Variants in PLEKHG1 observed in about 807,000 individuals in gnomAD.
PLEKHG1 encodes pleckstrin homology domain-containing family G member 1.
In PLEKHG1, 44 loss-of-function variants were observed where a neutral mutation model predicts 100.8. The observed-to-expected ratio is 0.44, with a 90% CI of 0.34 to 0.56. The LOEUF (loss-of-function observed/expected upper bound fraction) is 0.56, where lower values mean the gene tolerates loss of function less well. Ranked by LOEUF, PLEKHG1 falls within the 20% of genes least tolerant of loss-of-function variation. The probability of loss-of-function intolerance (pLI) is 0.01; values close to 1 mark genes in which losing one functional copy is unlikely to be tolerated. For synonymous variants in PLEKHG1, 640 were observed against 662.5 expected, an observed-to-expected ratio of 0.97 and a Z score of 0.52; for missense variants, 1,545 against 1,720.9, an observed-to-expected ratio of 0.90 and a Z score of 1.81.
intron 3 of PLEKHG1, among the ~76,000 whole-genome samples, chr6:150,681,811 A>G (rs996691240): frequency 6.6e-6 from 1 of 152,084 alleles, no homozygotes; most frequent in Non-Finnish European, 1.5e-5. Flanking sequence ...GAGCTTCCTG[A>G]ACCCAAACTT....
chr6:150,624,414 A>G (rs1562390721), intron 1 of PLEKHG1, among the ~76,000 whole-genome samples: 1 of 151,994 alleles, frequency 6.6e-6, no homozygotes, highest in East Asian at 1.9e-4. Context: ...AAGGACTCTT[A>G]CTCTTCATGA....
intron 3 of PLEKHG1, among the ~76,000 whole-genome samples, chr6:150,674,149 C>T (rs891220347): frequency 4.5e-4 from 68 of 152,230 alleles, no homozygotes; most frequent in African/African-American, 1.5e-3. Flanking sequence ...TTAGTCTACT[C>T]TCTGTTATAG....
At chr6:150,687,995 CTT>C (rs900827766) in intron 3 of PLEKHG1, among the ~76,000 whole-genome samples, 5 of 152,262 alleles carry the variant, frequency 3.3e-5, no homozygotes, top group African/African-American at 1.2e-4. Context: ...CCAAGAAACT[CTT>C]TTGAAAATAG....
chr6:150,774,669 T>G (rs937540729), intron 3 of PLEKHG1, among the ~76,000 whole-genome samples: 1 of 150,012 alleles, frequency 6.7e-6, no homozygotes, highest in Non-Finnish European at 1.5e-5. Context: ...GCCTCCCAAG[T>G]AGCTGGGACT....
At chr6:150,621,375 ATTTTTTT>A (rs111639263) in intron 1 of PLEKHG1, among the ~76,000 whole-genome samples, 1 of 141,452 alleles carries the variant, frequency 7.1e-6, no homozygotes, top group Non-Finnish European at 1.5e-5. Flanking sequence ...GCACAAATCA[ATTTTTTT>A]TTTTTTTTTT....
chr6:150,724,841 A>T lies in PLEKHG1; in HGVS notation c.-99+3641A>T, dbSNP rs558257213. On this transcript the variant is annotated intron_variant, in intron 1 of 15. Coordinates refer to ENST00000358517, the Ensembl canonical transcript of PLEKHG1. ...CTTCCAAAGTGCCAGGATTATAGGC[A>T]TGGGCCACCGCGCCTGGCCTAGGGA... Among the ~76,000 whole-genome samples, 226 of 152,282 alleles carry T rather than the reference A, an allele frequency of 1.5e-3. No individual in the cohort carries two copies. The Middle Eastern group carries it at 0.024, about 16-fold the overall frequency.
intron 13 of PLEKHG1, among the ~76,000 whole-genome samples, chr6:150,823,452 G>A (rs1776417846): frequency 6.6e-6 from 1 of 152,184 alleles, no homozygotes; most frequent in Admixed American, 6.5e-5. Flanking sequence ...TCAGATGCAT[G>A]TAAGGTTGTT....
At chr6:150,604,234 C>T (rs4870533) in intron 1 of PLEKHG1, among the ~76,000 whole-genome samples, 11,948 of 152,196 alleles carry the variant, frequency 0.079, 539 homozygotes, top group Non-Finnish European at 0.1. Flanking sequence ...TAAATGAGCT[C>T]TAATATTTGA....
At chr6:150,635,588 A>G (rs1777962321) in intron 1 of PLEKHG1, among the ~76,000 whole-genome samples, 2 of 152,206 alleles carry the variant, frequency 1.3e-5, no homozygotes. Context: ...CATTATTTTC[A>G]TAAGTTCAAT....
At chr6:150,639,149 A>G (rs965052514) in intron 2 of PLEKHG1, among the ~76,000 whole-genome samples, 1 of 152,146 alleles carries the variant, frequency 6.6e-6, no homozygotes, top group African/African-American at 2.4e-5. Context: ...GCTGCTGAGA[A>G]CCGCTTGGCC....
At position 150,832,108 on chromosome 6, in the gene PLEKHG1, G is replaced by GGTTTGGTT; in HGVS notation, c.2998_2999insTTTGGTTG (p.Glu1000ValfsTer56). ...ATCAACTTTTAAAAGTGAAAAGTCT[G>GGTTTGGTT]GAGCTGGAGCAGCCGCCGGCCAGTC... On this transcript the variant is annotated frameshift_variant, in exon 15 of 16. Coordinates refer to ENST00000358517, the Ensembl canonical transcript of PLEKHG1. LOFTEE classifies it high-confidence loss of function. 8 of 1,614,132 alleles carry GGTTTGGTT rather than the reference G, an allele frequency of 5.0e-6. No individual in the cohort carries two copies. Among genetic ancestry groups the GGTTTGGTT allele is most frequent in the Non-Finnish European group, 6.8e-6 (8 of 1,179,990 alleles).
exon 15 of PLEKHG1, chr6:150,832,140 A>G (rs1776979077): frequency 6.2e-7 from 1 of 1,613,318 alleles, no homozygotes; most frequent in African/African-American, 1.3e-5. Context: ...AGTCAGCATC[A>G]GAAATCCATG....
chr6:150,671,536 T>G (rs1779581619), intron 3 of PLEKHG1, among the ~76,000 whole-genome samples: 1 of 152,168 alleles, frequency 6.6e-6, no homozygotes, highest in South Asian at 2.1e-4. Context: ...GAGCCAACAT[T>G]TATGGAAGGA....
At chr6:150,704,181 CT>C (rs1780914471) in intron 3 of PLEKHG1, among the ~76,000 whole-genome samples, 4 of 152,284 alleles carry the variant, frequency 2.6e-5, no homozygotes, top group Non-Finnish European at 5.9e-5. Flanking sequence ...TTTGCTGGTG[CT>C]GTCCTCTGAG....
intron 14 of PLEKHG1, among the ~76,000 whole-genome samples, chr6:150,825,263 C>A (rs1487056966): frequency 6.6e-6 from 1 of 152,116 alleles, no homozygotes. Context: ...TCAAGGAGAG[C>A]AGATTTACTG....
intron 3 of PLEKHG1, among the ~76,000 whole-genome samples, chr6:150,781,165 G>A (rs148248264): frequency 2.1e-3 from 311 of 148,428 alleles, no homozygotes; most frequent in African/African-American, 5.8e-3. Flanking sequence ...GTAAGCCACC[G>A]CGCCCGGCCA....
chr6:150,628,527 A>AGCACACACACACACACAC (rs1358863303), intron 1 of PLEKHG1, among the ~76,000 whole-genome samples: 5 of 94,786 alleles, frequency 5.3e-5, no homozygotes, highest in Non-Finnish European at 1.0e-4. Context: ...TAGATAGGAA[A>AGCACACACACACACACAC]ACACACACAC....
intron 12 of PLEKHG1, 29 bp from the exon 14 acceptor site, chr6:150,821,166 A>G (rs1468113546): frequency 2.5e-6 from 4 of 1,605,408 alleles, no homozygotes; most frequent in Non-Finnish European, 3.4e-6. Flanking sequence ...TGGTTTTGCC[A>G]ATGATGCTGG....
chr6:150,646,247 C>T (rs1778493817), intron 2 of PLEKHG1, among the ~76,000 whole-genome samples: 1 of 151,990 alleles, frequency 6.6e-6, no homozygotes, highest in Non-Finnish European at 1.5e-5. Flanking sequence ...CAGCTCTCCC[C>T]TCTCTTGTTC....
Sources: gnomAD v4.1 joint callset for allele counts (sites outside exome capture counted in the v4.1 genomes callset) on GRCh38, gnomAD v4.1.1 for gene constraint, MANE v1.5 for transcripts, NCBI Gene and HGNC (gene_info 2026-07-23, HGNC 2026-07-21) for gene names.